CELF4: variants seen among roughly 807,000 people sequenced by gnomAD.
CELF4 encodes the protein CUG-BP- and ETR-3-like factor 4.
Under a neutral mutation model 59.9 loss-of-function variants are expected in CELF4, and 18 were observed. That is an observed-to-expected ratio of 0.30 (90% CI 0.21 to 0.45). The LOEUF (loss-of-function observed/expected upper bound fraction) is 0.45. Ranked by LOEUF, CELF4 falls within the 20% of genes least tolerant of loss-of-function variation. The pLI is 1.00. For missense variants in CELF4, 456 were observed against 689.0 expected (o/e 0.66, Z 3.79); for synonymous variants, 261 against 267.1 (o/e 0.98, Z 0.22).
At chr18:37,343,596 T>C (rs2154549466) in intron 2 of CELF4, among the ~76,000 whole-genome samples, 1 of 151,802 alleles carries the variant, frequency 6.6e-6, no homozygotes, top group Non-Finnish European at 1.5e-5. Flanking sequence ...TGGGGTTGCG[T>C]GTGTATATGT....
chr18:37,376,174 C>T (rs2098966862), intron 2 of CELF4, among the ~76,000 whole-genome samples: 1 of 152,148 alleles, frequency 6.6e-6, no homozygotes, highest in African/African-American at 2.4e-5. Flanking sequence ...CACCCTTTCT[C>T]AATAAGGGCA....
intron 2 of CELF4, among the ~76,000 whole-genome samples, chr18:37,382,475 C>T (rs541517613): frequency 3.3e-5 from 5 of 152,190 alleles, no homozygotes; most frequent in Non-Finnish European, 7.3e-5. Flanking sequence ...GGGGCTCCTC[C>T]CTCTTCACCA....
intron 2 of CELF4, among the ~76,000 whole-genome samples, chr18:37,388,935 C>T (rs2099128139): frequency 6.6e-6 from 1 of 152,268 alleles, no homozygotes; most frequent in Non-Finnish European, 1.5e-5. Context: ...CCTGGGTGCT[C>T]CTGTGCACCT....
At chr18:37,418,658 T>G (rs1952730692) in intron 2 of CELF4, among the ~76,000 whole-genome samples, 1 of 152,198 alleles carries the variant, frequency 6.6e-6, no homozygotes, top group South Asian at 2.1e-4. Flanking sequence ...TTTTCCTCAT[T>G]TCCAAAATAA....
chr18:37,270,180 C>T (rs2090436075), intron 8 of CELF4, among the ~76,000 whole-genome samples: 1 of 72,922 alleles, frequency 1.4e-5, no homozygotes, highest in African/African-American at 8.8e-5. Flanking sequence ...TTTCCGTGTG[C>T]CAGACTATTT....
intron 2 of CELF4, among the ~76,000 whole-genome samples, chr18:37,356,045 G>C (rs886405564): frequency 1.3e-5 from 2 of 152,106 alleles, no homozygotes; most frequent in Admixed American, 6.5e-5. Flanking sequence ...CTGGCCCCAG[G>C]GTCTCTCTGG....
intron 1 of CELF4, among the ~76,000 whole-genome samples, chr18:37,486,377 T>C (rs1003367999): frequency 6.6e-6 from 1 of 150,860 alleles, no homozygotes; most frequent in Non-Finnish European, 1.5e-5. Flanking sequence ...TCCCACTGAT[T>C]AATTCTAACT....
At chr18:37,250,757 T>C (rs1600097467) in intron 12 of CELF4, among the ~76,000 whole-genome samples, 1 of 152,172 alleles carries the variant, frequency 6.6e-6, no homozygotes, top group East Asian at 1.9e-4. Flanking sequence ...CTTGAGAAGC[T>C]CTCTATCTCT....
rs560764023 is a variant in CELF4 at position 37,375,164 on chromosome 18, C to T, written c.370-53283G>A. On this transcript the variant is annotated intron_variant, in intron 2 of 12. Transcript: ENST00000420428. ...GTGGGTGCATGTGTGTGTGCTCATG[C>T]GTCCTCCAAAACCTCCTTGCCGCAG... Among the ~76,000 whole-genome samples, 12 of 152,218 alleles carry T rather than the reference C, an allele frequency of 7.9e-5. 1 individual carries two copies. The highest frequency in any genetic ancestry group is 4.6e-4 in the Admixed American group (7 of 15,286).
intron 2 of CELF4, among the ~76,000 whole-genome samples, chr18:37,438,721 G>A (rs1056980621): frequency 2.8e-4 from 42 of 152,116 alleles, no homozygotes; most frequent in Non-Finnish European, 1.3e-4. Flanking sequence ...TCATACAGCT[G>A]GCAATTAATT....
chr18:37,343,487 G>A (rs1040767927), intron 2 of CELF4, among the ~76,000 whole-genome samples: 2 of 151,970 alleles, frequency 1.3e-5, no homozygotes, highest in Non-Finnish European at 2.9e-5. Context: ...GATGGCAGCC[G>A]GGTGCAGTCT....
intron 3 of CELF4, among the ~76,000 whole-genome samples, chr18:37,284,758 T>C (rs1287804460): frequency 2.0e-5 from 3 of 152,250 alleles, no homozygotes; most frequent in African/African-American, 7.2e-5. Context: ...CCCCAGTTAC[T>C]ATGATCCAGA....
intron 2 of CELF4, among the ~76,000 whole-genome samples, chr18:37,471,835 CCTT>C (rs1174561100): frequency 1.3e-5 from 2 of 152,222 alleles, no homozygotes; most frequent in African/African-American, 4.8e-5. Context: ...GAATTACAAA[CCTT>C]CTCCCAGGCT....
intron 2 of CELF4, among the ~76,000 whole-genome samples, chr18:37,409,221 T>A: frequency 6.6e-6 from 1 of 152,298 alleles, no homozygotes; most frequent in Admixed American, 6.5e-5. Context: ...GACCAAAACC[T>A]GGAATGGGTT....
At chr18:37,535,151 A>G (rs962499621) in intron 1 of CELF4, among the ~76,000 whole-genome samples, 1 of 152,046 alleles carries the variant, frequency 6.6e-6, no homozygotes, top group African/African-American at 2.4e-5. Flanking sequence ...ACAATAGAAC[A>G]CCATGCTGGA....
intron 2 of CELF4, among the ~76,000 whole-genome samples, chr18:37,463,974 A>G (rs1463826929): frequency 6.6e-6 from 1 of 152,012 alleles, no homozygotes; most frequent in Non-Finnish European, 1.5e-5. Context: ...CTCATGAAGT[A>G]TACCACACCT....
At chr18:37,304,618 G>T (rs1226239367) in intron 3 of CELF4, among the ~76,000 whole-genome samples, 1 of 152,240 alleles carries the variant, frequency 6.6e-6, no homozygotes, top group African/African-American at 2.4e-5. Context: ...TCCACCTGGG[G>T]AGAGGCAGGT....
chr18:37,273,947 G>A, intron 6 of CELF4: 1 of 1,104,722 alleles, frequency 9.1e-7, no homozygotes, highest in South Asian at 2.6e-5. Flanking sequence ...CATGGAGTAG[G>A]GGTGGTTTGC....
chr18:37,362,842 C>T lies in CELF4; in HGVS notation c.370-40961G>A, dbSNP rs561029565. On this transcript the variant is annotated intron_variant, in intron 2 of 12. Transcript: ENST00000420428. ...CTCATTCTGACAAATCTGCTCTACA[C>T]GTTTGCACACCTCAGTTCAGGGGTC... Among the ~76,000 whole-genome samples, 10 of 152,292 alleles carry T rather than the reference C, an allele frequency of 6.6e-5. No individual in the cohort carries two copies. The South Asian group carries it at 1.2e-3, about 19-fold the overall frequency.
Sources: gnomAD v4.1 joint callset for allele counts (sites outside exome capture counted in the v4.1 genomes callset) on GRCh38, gnomAD v4.1.1 for gene constraint, MANE v1.5 for transcripts, NCBI Gene and HGNC (gene_info 2026-07-23, HGNC 2026-07-21) for gene names.